EPHB3: variants seen among roughly 807,000 people sequenced by gnomAD.
The protein encoded by EPHB3 is EPH receptor B3, also known as ephrin type-B receptor 3.
In EPHB3, 33 loss-of-function variants were observed where a neutral mutation model predicts 100.2. The observed-to-expected ratio is 0.33, with a 90% CI of 0.25 to 0.44. The LOEUF (loss-of-function observed/expected upper bound fraction) is 0.44. EPHB3 is among the 20% of genes least tolerant of loss of function. EPHB3 has a pLI of 1.00. For missense variants in EPHB3, 1,045 were observed against 1,378.3 expected, an observed-to-expected ratio of 0.76 and a Z score of 3.83; for synonymous variants, 526 against 554.7, an observed-to-expected ratio of 0.95 and a Z score of 0.73.
At chr3:184,576,114 A>G in intron 4 of EPHB3, 129 bp downstream of exon 4, 2 of 1,304,668 alleles carry the variant, frequency 1.5e-6, no homozygotes, top group East Asian at 2.7e-5. Flanking sequence ...GGGAAGTTAG[A>G]TGTTGCGCTC....
At position 184,569,599 on chromosome 3, in the gene EPHB3, T is replaced by C. The variant is rs1477743452; in HGVS notation, c.119-1719T>C. Among the ~76,000 whole-genome samples, 2 of 152,126 alleles carry C rather than the reference T, an allele frequency of 1.3e-5. No homozygotes were observed. Among genetic ancestry groups the C allele is most frequent in the African/African-American group, 4.8e-5 (2 of 41,436 alleles). On this transcript the variant is annotated intron_variant, in intron 1 of 15. Coordinates refer to ENST00000330394, the MANE Select transcript of EPHB3 (RefSeq NM_004443.4). The surrounding 1 kb of genome is among the most constrained non-coding windows in gnomAD (Gnocchi z 5.4). ...TGCCAGAGGCCAGGATCGCTCCCCT[T>C]ACAGCCGGGCCCTCAGGGGACCAGG...
intron 1 of EPHB3, among the ~76,000 whole-genome samples, chr3:184,566,033 G>A (rs924352108): frequency 2.0e-5 from 3 of 152,222 alleles, no homozygotes; most frequent in African/African-American, 4.8e-5. Flanking sequence ...AGCTGGGGGG[G>A]GTGAAGGGTG....
Position 184,578,409 on chromosome 3 carries a change from T to C in EPHB3, c.1749-5T>C. On this transcript the variant is annotated splice_polypyrimidine_tract_variant and splice_region_variant and intron_variant, in intron 8 of 15. Transcript: ENST00000330394. This position sits in a 1 kb window ranked among gnomAD's most constrained non-coding sequence, Gnocchi z 4.7. ...AGGCCTGCCCTCCACCCTGCCACCC[T>C]ACAGGAAGCAGCGACACGGCTCTGA... is the stretch of plus-strand genomic sequence containing the variant. 1 of 1,613,592 alleles carries C rather than the reference T, an allele frequency of 6.2e-7. No homozygotes were observed. Among genetic ancestry groups the C allele is most frequent in the Non-Finnish European group, 8.5e-7 (1 of 1,179,972 alleles).
rs1168671112 is a variant in EPHB3, at chr3:184,580,716, C to T, written c.2389-13C>T. ...GGAGTCACAGGGTGAAGGGCCTGTG[C>T]CCCCCTCACCAGGGCGGGAAGATCC... is the stretch of plus-strand genomic sequence containing the variant. On this transcript the variant is annotated splice_polypyrimidine_tract_variant and intron_variant, in intron 12 of 15. Transcript: ENST00000330394. 1.2e-6 allele frequency: 2 copies of T among 1,612,908 alleles called. No homozygotes were observed. Among genetic ancestry groups the T allele is most frequent in the Non-Finnish European group, 1.7e-6 (2 of 1,179,398 alleles).
chr3:184,573,714 T>C lies in EPHB3; in HGVS notation c.856+538T>C, dbSNP rs1714599342. Among the ~76,000 whole-genome samples the C allele has an allele frequency of 1.5e-5, 2 of 136,528 alleles. No homozygotes were observed. The highest frequency in any genetic ancestry group is 5.3e-5 in the African/African-American group (2 of 37,960). The allele number at this position is 136,528 out of a possible 152,430, so 89.6% of individuals were successfully genotyped here. A position where few individuals can be genotyped will look rare whatever the true frequency, so the allele number is the denominator to read the frequency against. ...ACCACTTACGTGACCTTGGGCAAGT[T>C]ACTTTTTTTTTTTTTTTTTTGAGAT... On this transcript the variant is annotated intron_variant, in intron 3 of 15. Coordinates refer to ENST00000330394, the MANE Select transcript of EPHB3 (RefSeq NM_004443.4). The surrounding 1 kb of genome is among the most constrained non-coding windows in gnomAD (Gnocchi z 4.5).
At position 184,579,809 on chromosome 3, in the gene EPHB3, G is replaced by C; in HGVS notation, c.2047G>C (p.Ala683Pro). 2 of 1,613,686 alleles carry C rather than the reference G, an allele frequency of 1.2e-6. No individual in the cohort carries two copies. Among genetic ancestry groups the C allele is most frequent in the Non-Finnish European group, 1.7e-6 (2 of 1,179,942 alleles). Residue 683 changes from alanine to proline, a missense_variant, in exon 11 of 16, where the codon GCC becomes CCC. Physicochemically the swap from Ala to Pro is conservative, Grantham distance 27. Around this residue, in one of 2 missense-constraint regions of EPHB3, gnomAD observed 985 missense variants for 1,331.1 expected, o/e 0.74. Transcript: ENST00000330394. This position sits in a 1 kb window ranked among gnomAD's most constrained non-coding sequence, Gnocchi z 5.2. ...GCAGCGGCGGGACTTCCTAAGCGAG[G>C]CCTCCATCATGGGTCAGTTTGATCA... is the stretch of plus-strand genomic sequence containing the variant. Reference protein sequence around the residue: ...ERQRRDFLSEASIMGQFDHPN... With the variant: ...ERQRRDFLSEPSIMGQFDHPN...
At position 184,565,904 on chromosome 3, in the gene EPHB3, T is replaced by G. The variant is rs35112242; in HGVS notation, c.118+3551T>G. On this transcript the variant is annotated intron_variant, in intron 1 of 15. Coordinates refer to ENST00000330394, the MANE Select transcript of EPHB3 (RefSeq NM_004443.4). The surrounding 1 kb of genome is among the most constrained non-coding windows in gnomAD (Gnocchi z 4.8). Reference sequence around the variant, plus strand: ...CCGAAGCTGCCGTGGGCAAGGCCTCTGCCGCACGGCCTTCCACTAATTAAA... The same window carrying G: ...CCGAAGCTGCCGTGGGCAAGGCCTCGGCCGCACGGCCTTCCACTAATTAAA... Among the ~76,000 whole-genome samples the G allele has an allele frequency of 0.12, 18,167 of 152,318 alleles. 1,227 individuals carry two copies. The highest frequency in any genetic ancestry group is 0.19 in the African/African-American group (7,834 of 41,558).
rs11719912 is a variant in EPHB3 at position 184,580,875 on chromosome 3, G to A, written c.2535G>A (p.Gln845=). 140,134 of 1,613,560 alleles carry A rather than the reference G, an allele frequency of 0.087. 6,629 individuals are homozygous for A. The highest frequency in any genetic ancestry group is 0.11 in the Middle Eastern group (670 of 6,058). ...GACCCTACTGGGACATGAGCAACCA[G>A]GATGTGAGTGAGGCTACGCCAGAGT... ...GERPYWDMSN[Q]DVINAVEQDY... Residue 845 remains glutamine (Q), a synonymous_variant, in exon 13 of 16, where the codon CAG becomes CAA. Transcript: ENST00000330394.
At position 184,571,045 on chromosome 3, in the gene EPHB3, TC is replaced by T. The variant is rs1025428742; in HGVS notation, c.119-270del. On this transcript the variant is annotated intron_variant, in intron 1 of 15. Coordinates refer to ENST00000330394, the MANE Select transcript of EPHB3 (RefSeq NM_004443.4). The surrounding 1 kb of genome is among the most constrained non-coding windows in gnomAD (Gnocchi z 5.0). ...ATCTCGGCTCACTGCAACCTCCGTC[TC>T]CCAGGTTCAAGCGATTCTCCTGCCT... is the stretch of plus-strand genomic sequence containing the variant. Among the ~76,000 whole-genome samples, 1 of 151,518 alleles carries T rather than the reference TC, an allele frequency of 6.6e-6. No individual in the cohort carries two copies. Among genetic ancestry groups the T allele is most frequent in the African/African-American group, 2.4e-5 (1 of 41,234 alleles).
chr3:184,577,292 G>A lies in EPHB3; in HGVS notation c.1355-51G>A, dbSNP rs1264301182. ...GGTCCCATGGGAAGTGGGTCTTTGG[G>A]AAGGATGCCAGGGTCCAGGGAGCCC... On this transcript the variant is annotated intron_variant, in intron 5 of 15. Transcript: ENST00000330394. The surrounding 1 kb of genome is among the most constrained non-coding windows in gnomAD (Gnocchi z 4.9). 9.4e-6 allele frequency: 15 copies of A among 1,597,528 alleles called. No homozygotes were observed. In the African/African-American group the frequency reaches 1.9e-4, roughly 20 times the overall value.
rs1577531337 is a variant in EPHB3 at position 184,579,355 on chromosome 3, T to A, written c.1802-122T>A. 1.4e-6 allele frequency: 2 copies of A among 1,437,628 alleles called. No individual in the cohort carries two copies. Among genetic ancestry groups the A allele is most frequent in the East Asian group, 4.7e-5 (2 of 42,860 alleles). 89.1% of individuals were successfully genotyped at this position (1,437,628 alleles called of 1,614,324 possible). A position where few individuals can be genotyped will look rare whatever the true frequency, so the allele number is the denominator to read the frequency against. ...AGGAGTTCTCATGGGAGCTGGAGGA[T>A]TAGGGCAGCAACACAGAGGAATATG... On this transcript the variant is annotated intron_variant, in intron 9 of 15. Transcript: ENST00000330394. The surrounding 1 kb of genome is among the most constrained non-coding windows in gnomAD (Gnocchi z 5.2).
In EPHB3 at chr3:184,578,180, T is replaced by A. The variant is rs1301193723; in HGVS notation, c.1748+174T>A. On this transcript the variant is annotated intron_variant, in intron 8 of 15. Coordinates refer to ENST00000330394, the MANE Select transcript of EPHB3 (RefSeq NM_004443.4). The surrounding 1 kb of genome is among the most constrained non-coding windows in gnomAD (Gnocchi z 4.7). ...TCTCCCATCCCTGCCTGTGTCTTCA[T>A]CCCGCCCTTTCTCCATACCCCATTC... The A allele has an allele frequency of 1.2e-6, 1 of 869,210 alleles. No individual in the cohort carries two copies. Among genetic ancestry groups the A allele is most frequent in the Non-Finnish European group, 1.7e-6 (1 of 577,736 alleles). The allele number at this position is 869,210 out of a possible 1,614,324, so 53.8% of individuals were successfully genotyped here.
Position 184,562,644 on chromosome 3 carries a change from A to C in EPHB3, c.118+291A>C, listed in dbSNP as rs375757708. Among the ~76,000 whole-genome samples the C allele has an allele frequency of 6.6e-6, 1 of 151,890 alleles. No individual in the cohort carries two copies. The highest frequency in any genetic ancestry group is 1.5e-5 in the Non-Finnish European group (1 of 67,982). On this transcript the variant is annotated intron_variant, in intron 1 of 15. Transcript: ENST00000330394. This position sits in a 1 kb window ranked among gnomAD's most constrained non-coding sequence, Gnocchi z 4.8. Reference sequence around the variant, plus strand: ...CTGTGAGCTTTCGCGGGAGTCCCCCACACTCACGGCAGAGAAGTGGGGCTC... The same window carrying C: ...CTGTGAGCTTTCGCGGGAGTCCCCCCCACTCACGGCAGAGAAGTGGGGCTC...
rs951356188 is a variant in EPHB3 at position 184,565,503 on chromosome 3, A to C, written c.118+3150A>C. On this transcript the variant is annotated intron_variant, in intron 1 of 15. Coordinates refer to ENST00000330394, the MANE Select transcript of EPHB3 (RefSeq NM_004443.4). The surrounding 1 kb of genome is among the most constrained non-coding windows in gnomAD (Gnocchi z 4.8). ...AAAAGAGAAACAGTTACCAGATCGCAGGAGGTGGGGCCAGCACGTCCCCCT... is the reference window on the plus strand; with the variant it reads ...AAAAGAGAAACAGTTACCAGATCGCCGGAGGTGGGGCCAGCACGTCCCCCT... Among the ~76,000 whole-genome samples the C allele has an allele frequency of 1.3e-5, 2 of 152,190 alleles. No homozygotes were observed. Among genetic ancestry groups the C allele is most frequent in the East Asian group, 1.9e-4 (1 of 5,192 alleles).
rs550800381 is a variant in EPHB3 at position 184,567,843 on chromosome 3, A to G, written c.119-3475A>G. ...CGCATATGTTTCAGGAAATCTGCAC[A>G]TAGGTAGGCTGGAAGCGTGGGTCCG... On this transcript the variant is annotated intron_variant, in intron 1 of 15. Coordinates refer to ENST00000330394, the MANE Select transcript of EPHB3 (RefSeq NM_004443.4). Among the ~76,000 whole-genome samples, 7 of 152,288 alleles carry G rather than the reference A, an allele frequency of 4.6e-5. No individual in the cohort carries two copies. The South Asian group carries it at 1.4e-3, about 32-fold the overall frequency.
chr3:184,568,592 A>ACC (rs113185340), intron 1 of EPHB3, among the ~76,000 whole-genome samples: 467 of 131,012 alleles, frequency 3.6e-3, no homozygotes, highest in African/African-American at 7.8e-3. Flanking sequence ...GGGTTCTATG[A>ACC]CCCCCCCCCC....
intron 11 of EPHB3, 144 bp downstream of exon 11, chr3:184,580,078 T>A: frequency 7.8e-7 from 1 of 1,288,378 alleles, no homozygotes; most frequent in South Asian, 1.5e-5. Context: ...AGGGCCTTCA[T>A]AGCCATAAGT....
At position 184,563,830 on chromosome 3, in the gene EPHB3, C is replaced by T. The variant is rs950355325; in HGVS notation, c.118+1477C>T. ...TCTCTGTGTCGTAGTCCAGGAGAGGCGACACTGGTACACACACACTCATAC... is the reference window on the plus strand; with the variant it reads ...TCTCTGTGTCGTAGTCCAGGAGAGGTGACACTGGTACACACACACTCATAC... On this transcript the variant is annotated intron_variant, in intron 1 of 15. Transcript: ENST00000330394. This position sits in a 1 kb window ranked among gnomAD's most constrained non-coding sequence, Gnocchi z 4.1. Among the ~76,000 whole-genome samples the T allele has an allele frequency of 3.9e-5, 6 of 152,166 alleles. No homozygotes were observed. The highest frequency in any genetic ancestry group is 1.9e-4 in the East Asian group (1 of 5,198).
In EPHB3 at chr3:184,578,523, G is replaced by T; in HGVS notation, c.1801+57G>T. The T allele has an allele frequency of 6.2e-7, 1 of 1,609,198 alleles. No homozygotes were observed. Among genetic ancestry groups the T allele is most frequent in the Non-Finnish European group, 8.5e-7 (1 of 1,176,424 alleles). On this transcript the variant is annotated intron_variant, in intron 9 of 15. Transcript: ENST00000330394. The surrounding 1 kb of genome is among the most constrained non-coding windows in gnomAD (Gnocchi z 4.7). ...CTCCCAGCCCCCTGCAGGGCTCTCA[G>T]ACACCCTTCTCCCTGCCTGGGACTT... is the stretch of plus-strand genomic sequence containing the variant.
Sources: gnomAD v4.1 joint callset for allele counts (sites outside exome capture counted in the v4.1 genomes callset) on GRCh38, gnomAD v4.1.1 for gene constraint, gnomAD v4.1.1 regional missense constraint, Gnocchi (gnomAD v3.1) non-coding constraint, MANE v1.5 for transcripts, NCBI Gene and HGNC (gene_info 2026-07-23, HGNC 2026-07-21) for gene names.